C19orf25: variants seen among roughly 807,000 people sequenced by gnomAD.
The protein encoded by C19orf25 is chromosome 19 open reading frame 25.
In C19orf25, 1 loss-of-function variant was observed where a neutral mutation model predicts 3.1. The observed-to-expected ratio is 0.32, with a 90% confidence interval of 0.12 to 1.54. The LOEUF is 1.54. Ranked by LOEUF, C19orf25 falls within the 40% of genes most tolerant of loss-of-function variation. C19orf25 has a pLI of 0.38. For synonymous variants in C19orf25, 91 were observed against 74.3 expected (o/e 1.23, Z -1.16); for missense variants, 196 against 160.4 (o/e 1.22, Z -1.20).
At position 1,473,390 on chromosome 19, in the gene C19orf25, G is replaced by A. The variant is rs1237934912; in HGVS notation, c.*1642C>T. The A allele has an allele frequency of 6.6e-6, 1 of 152,310 alleles. No homozygotes were observed. The highest frequency in any genetic ancestry group is 1.5e-5 in the Non-Finnish European group (1 of 68,096). The allele number at this position is 152,310 out of a possible 1,614,324, so 9.4% of individuals were successfully genotyped here. On this transcript the variant is annotated 3_prime_UTR_variant, in exon 3 of 3. Transcript: ENST00000585675. ...AGAAACTGGGGGCACAGGGTTTGTG[G>A]GCACCCCACCCAGATGGGCCGGGGA... is the stretch of plus-strand genomic sequence containing the variant.
intron 2 of C19orf25, chr19:1,476,319 G>A: frequency 2.5e-6 from 1 of 398,798 alleles, no homozygotes; most frequent in Non-Finnish European, 4.4e-6. Context: ...GGGTGGGAAA[G>A]GCCGGGCAGT....
chr19:1,476,052 G>T, intron 2 of C19orf25: 1 of 397,062 alleles, frequency 2.5e-6, no homozygotes, highest in Admixed American at 4.4e-5. Flanking sequence ...GGTGGCGAAG[G>T]TGAGAGGTGG....
rs2084178560 is a variant in C19orf25 at position 1,474,113 on chromosome 19, T to G, written c.*919A>C. 1 of 151,638 alleles carries G rather than the reference T, an allele frequency of 6.6e-6. No individual in the cohort carries two copies. Among genetic ancestry groups the G allele is most frequent in the African/African-American group, 2.4e-5 (1 of 41,184 alleles). 9.4% of individuals were successfully genotyped at this position (151,638 alleles called of 1,614,324 possible). On this transcript the variant is annotated 3_prime_UTR_variant, in exon 3 of 3. Transcript: ENST00000585675. ...TCCCGGGGTCGCCGGTACCCATCCC[T>G]CCCCAGCTTCCGGGGCCCCGGGACG...
intron 2 of C19orf25, among the ~76,000 whole-genome samples, chr19:1,478,155 GAC>G (rs1321833354): frequency 6.6e-6 from 1 of 152,050 alleles, no homozygotes; most frequent in Non-Finnish European, 1.5e-5. Context: ...TTATTTTTGA[GAC>G]ACAGTCTGGC....
intron 2 of C19orf25, chr19:1,476,378 G>A (rs922800253): frequency 6.5e-5 from 26 of 398,064 alleles, no homozygotes; most frequent in African/African-American, 1.2e-4. Context: ...AGCGCCCCCC[G>A]TCCCCCGCAC....
intron 2 of C19orf25, chr19:1,476,297 G>C: frequency 2.5e-6 from 1 of 398,730 alleles, no homozygotes. Flanking sequence ...GTCATCACCT[G>C]CTTTAGCAAC....
chr19:1,474,864 T>C lies in C19orf25; in HGVS notation c.*168A>G. ...CTGGGTGGGTCCCACCAACTCGGCA[T>C]GAATGAGACGACGGATGAACCGCAG... On this transcript the variant is annotated 3_prime_UTR_variant, in exon 3 of 3. Transcript: ENST00000585675. The C allele has an allele frequency of 2.7e-6, 4 of 1,486,620 alleles. No individual in the cohort carries two copies. Among genetic ancestry groups the C allele is most frequent in the African/African-American group, 2.8e-5 (2 of 71,686 alleles). The allele number at this position is 1,486,620 out of a possible 1,614,324, so 92.1% of individuals were successfully genotyped here. A position where few individuals can be genotyped will look rare whatever the true frequency, so the allele number is the denominator to read the frequency against.
In C19orf25 at chr19:1,475,394, G is replaced by A. The variant is rs1191362073; in HGVS notation, c.131-136C>T. ...CCAGCCGGGGTCTTCTTAACATGAC[G>A]GATGCAGCCAGGTGTGGTGGCTCAC... On this transcript the variant is annotated intron_variant, in intron 2 of 2. Transcript: ENST00000585675. The A allele has an allele frequency of 3.6e-5, 31 of 862,226 alleles. 1 individual carries two copies. In the Middle Eastern group the frequency reaches 1.6e-3, roughly 45 times the overall value. 53.4% of individuals were successfully genotyped at this position (862,226 alleles called of 1,614,324 possible).
intron 2 of C19orf25, among the ~76,000 whole-genome samples, chr19:1,477,899 G>C (rs1330013058): frequency 6.6e-6 from 1 of 152,114 alleles, no homozygotes; most frequent in Non-Finnish European, 1.5e-5. Flanking sequence ...GAGTGCAGTT[G>C]CGTGATCTCA....
At position 1,474,704 on chromosome 19, in the gene C19orf25, T is replaced by G; in HGVS notation, c.*328A>C. Reference sequence around the variant, plus strand: ...TGCCTGCCCCGGGAGAGGAAGGAGGTGGCACCTGCTCCCAGGGGCCCCACT... The same window carrying G: ...TGCCTGCCCCGGGAGAGGAAGGAGGGGGCACCTGCTCCCAGGGGCCCCACT... On this transcript the variant is annotated 3_prime_UTR_variant, in exon 3 of 3. Transcript: ENST00000585675. 1 of 1,076,062 alleles carries G rather than the reference T, an allele frequency of 9.3e-7. No individual in the cohort carries two copies. The highest frequency in any genetic ancestry group is 1.3e-6 in the Non-Finnish European group (1 of 785,084). The allele number at this position is 1,076,062 out of a possible 1,614,324, so 66.7% of individuals were successfully genotyped here. A position where few individuals can be genotyped will look rare whatever the true frequency, so the allele number is the denominator to read the frequency against.
Position 1,474,283 on chromosome 19 carries a change from C to G in C19orf25, c.*749G>C, listed in dbSNP as rs2084180410. 1 of 152,562 alleles carries G rather than the reference C, an allele frequency of 6.6e-6. No individual in the cohort carries two copies. Among genetic ancestry groups the G allele is most frequent in the South Asian group, 2.1e-4 (1 of 4,852 alleles). 9.5% of individuals were successfully genotyped at this position (152,562 alleles called of 1,614,324 possible). On this transcript the variant is annotated 3_prime_UTR_variant, in exon 3 of 3. Transcript: ENST00000585675. ...GCCTTTGGCAAGACCCTCCGCCGCA[C>G]TAACGCCCCCTCCCCCAGGGCCAGA... is the stretch of plus-strand genomic sequence containing the variant.
chr19:1,476,252 G>C, intron 2 of C19orf25: 2 of 398,754 alleles, frequency 5.0e-6, no homozygotes, highest in Non-Finnish European at 8.8e-6. Flanking sequence ...AAGGCTCCAC[G>C]TGCCGCACGG....
At chr19:1,476,219 G>A (rs984118997) in intron 2 of C19orf25, 11 of 398,708 alleles carry the variant, frequency 2.8e-5, no homozygotes, top group African/African-American at 8.2e-5. Flanking sequence ...CCTGCCCCTC[G>A]GCAGTGTGGT....
intron 2 of C19orf25, chr19:1,475,494 A>C (rs2084196722): frequency 5.8e-6 from 3 of 520,496 alleles, no homozygotes; most frequent in East Asian, 6.0e-5. Flanking sequence ...CAGCCTGGAC[A>C]ACATAGTGAC....
chr19:1,478,934 G>T (rs774884778), intron 1 of C19orf25, 29 bp from the exon 2 acceptor site: 1 of 1,566,282 alleles, frequency 6.4e-7, no homozygotes, highest in Non-Finnish European at 8.6e-7. Context: ...GCGCTGACCG[G>T]GGCGTCCACC....
chr19:1,478,413 T>G, intron 2 of C19orf25: 9 of 230,434 alleles, frequency 3.9e-5, no homozygotes, highest in Admixed American at 8.8e-5. Context: ...GCTAACTCTG[T>G]TTTGTTTTTG....
intron 2 of C19orf25, chr19:1,476,397 TCA>T (rs927266796): frequency 3.0e-5 from 12 of 397,420 alleles, no homozygotes; most frequent in African/African-American, 1.0e-4. Context: ...ACAGCGTGCC[TCA>T]GTTTCGCCAC....
chr19:1,475,092 C>A lies in C19orf25; in HGVS notation c.297G>T (p.Arg99=). ...CTGCCTGCTTCATCTGGGCCACCTCCCGCTCCAGGTCCTCGCCGGCTCGCT... is the reference window on the plus strand; with the variant it reads ...CTGCCTGCTTCATCTGGGCCACCTCACGCTCCAGGTCCTCGCCGGCTCGCT... The part of the protein sequence containing the change: ...LLQRAGEDLE[R]EVAQMKQAAL... The change falls in exon 3 of 3, where the codon CGG becomes CGT. Residue 99 remains arginine, a synonymous_variant. Coordinates refer to ENST00000585675, the MANE Select transcript of C19orf25 (RefSeq NM_152482.3). The A allele has an allele frequency of 6.2e-7, 1 of 1,606,830 alleles. No individual in the cohort carries two copies. Among genetic ancestry groups the A allele is most frequent in the Non-Finnish European group, 8.5e-7 (1 of 1,177,690 alleles).
chr19:1,474,872 A>T lies in C19orf25; in HGVS notation c.*160T>A. ...GTCCCACCAACTCGGCATGAATGAGACGACGGATGAACCGCAGCCCCAGCA... is the reference window on the plus strand; with the variant it reads ...GTCCCACCAACTCGGCATGAATGAGTCGACGGATGAACCGCAGCCCCAGCA... On this transcript the variant is annotated 3_prime_UTR_variant, in exon 3 of 3. Transcript: ENST00000585675. 1 of 1,493,220 alleles carries T rather than the reference A, an allele frequency of 6.7e-7. No individual in the cohort carries two copies. Among genetic ancestry groups the T allele is most frequent in the South Asian group, 1.3e-5 (1 of 78,908 alleles). The allele number at this position is 1,493,220 out of a possible 1,614,324, so 92.5% of individuals were successfully genotyped here.
Sources: allele counts gnomAD v4.1 joint callset (sites outside exome capture counted in the v4.1 genomes callset), GRCh38; gene constraint gnomAD v4.1.1; transcripts MANE v1.5; gene names NCBI Gene and HGNC (gene_info 2026-07-23, HGNC 2026-07-21).